The following FSTL5 variants were observed in gnomAD, a reference collection of about 807,000 sequenced individuals.
FSTL5 encodes follistatin like 5, also known as follistatin-related protein 5.
In FSTL5, 62 loss-of-function variants were observed where a neutral mutation model predicts 89.1. That is an observed-to-expected ratio of 0.70 (90% CI 0.57 to 0.86). The LOEUF (loss-of-function observed/expected upper bound fraction) is 0.86. Ranked by LOEUF, FSTL5 falls within the 40% of genes least tolerant of loss-of-function variation. FSTL5 has a pLI of 0.00. For missense variants in FSTL5, 1,057 were observed against 1,001.6 expected (o/e 1.06, Z -0.75); for synonymous variants, 383 against 346.2 (o/e 1.11, Z -1.18).
intron 15 of FSTL5, among the ~76,000 whole-genome samples, chr4:161,444,353 C>T (rs1257417990): frequency 6.6e-6 from 1 of 151,748 alleles, no homozygotes; most frequent in Non-Finnish European, 1.5e-5. Context: ...TCTCTCCCTT[C>T]TGAAATCATT....
intron 3 of FSTL5, among the ~76,000 whole-genome samples, chr4:161,933,514 G>A (rs879772267): frequency 6.6e-6 from 1 of 151,496 alleles, no homozygotes; most frequent in African/African-American, 2.4e-5. Context: ...TGTCACATGA[G>A]AGATACAGAA....
intron 3 of FSTL5, among the ~76,000 whole-genome samples, chr4:162,005,109 A>G (rs1416148672): frequency 6.6e-6 from 1 of 152,094 alleles, no homozygotes; most frequent in Non-Finnish European, 1.5e-5. Flanking sequence ...GCCTTGGCCT[A>G]TTTCTCTCGC....
At chr4:162,126,109 C>T (rs1397299883) in intron 1 of FSTL5, among the ~76,000 whole-genome samples, 4 of 152,032 alleles carry the variant, frequency 2.6e-5, no homozygotes, top group Middle Eastern at 3.4e-3. Flanking sequence ...TATAAGAAAT[C>T]AATTTTTATT....
At chr4:161,445,925 T>C (rs937047448) in intron 15 of FSTL5, among the ~76,000 whole-genome samples, 4 of 152,124 alleles carry the variant, frequency 2.6e-5, no homozygotes, top group East Asian at 3.9e-4. Flanking sequence ...AGAGTAATCA[T>C]AGCTGAATTA....
intron 2 of FSTL5, among the ~76,000 whole-genome samples, chr4:162,071,195 A>G (rs1237807148): frequency 6.6e-6 from 1 of 151,696 alleles, no homozygotes; most frequent in African/African-American, 2.4e-5. Flanking sequence ...GACTGGCTGA[A>G]TTAATAAAAA....
chr4:161,919,372 A>G (rs1206722708), intron 4 of FSTL5, among the ~76,000 whole-genome samples: 2 of 152,208 alleles, frequency 1.3e-5, no homozygotes, highest in Non-Finnish European at 2.9e-5. Flanking sequence ...TGCATCTTGC[A>G]TCATCTGAAA....
chr4:162,114,910 G>A (rs1269510049), intron 1 of FSTL5, among the ~76,000 whole-genome samples: 4 of 151,936 alleles, frequency 2.6e-5, no homozygotes, highest in Non-Finnish European at 5.9e-5. Context: ...AAATTTCTCA[G>A]TAATACAAAG....
chr4:161,750,036 C>G (rs58764576), intron 6 of FSTL5, among the ~76,000 whole-genome samples: 1 of 151,924 alleles, frequency 6.6e-6, no homozygotes, highest in Non-Finnish European at 1.5e-5. Context: ...GTAACTCTTT[C>G]TAAAGTAAAT....
chr4:162,048,527 C>T (rs1276576578), intron 2 of FSTL5, among the ~76,000 whole-genome samples: 2 of 151,850 alleles, frequency 1.3e-5, no homozygotes, highest in African/African-American at 4.8e-5. Flanking sequence ...TCACTACTAT[C>T]AGTATTATTT....
intron 11 of FSTL5, among the ~76,000 whole-genome samples, chr4:161,508,968 T>C (rs1730568217): frequency 6.6e-6 from 1 of 152,158 alleles, no homozygotes; most frequent in Non-Finnish European, 1.5e-5. Flanking sequence ...AAAATCAATT[T>C]TTAAAATGCT....
Position 162,100,396 on chromosome 4 carries a change from T to TA in FSTL5, c.126+10874dup, listed in dbSNP as rs536350508. Among the ~76,000 whole-genome samples the TA allele has an allele frequency of 2.1e-3, 324 of 152,224 alleles. 1 individual carries two copies. Among genetic ancestry groups the TA allele is most frequent in the African/African-American group, 7.4e-3 (309 of 41,552 alleles). On this transcript the variant is annotated intron_variant, in intron 2 of 15. Transcript: ENST00000306100. ...TAACACGGTGAAACCCCAACTCTAC[T>TA]AAAAATACAAAAAATTATCCAGGTG...
intron 5 of FSTL5, among the ~76,000 whole-genome samples, chr4:161,763,944 C>T (rs1025540204): frequency 6.6e-6 from 1 of 151,882 alleles, no homozygotes; most frequent in South Asian, 2.1e-4. Flanking sequence ...TCTTGTCTCC[C>T]CCCTTTCTTC....
At chr4:161,743,253 A>AT (rs1740088613) in intron 6 of FSTL5, among the ~76,000 whole-genome samples, 1 of 152,110 alleles carries the variant, frequency 6.6e-6, no homozygotes, top group Non-Finnish European at 1.5e-5. Context: ...TTGGAGGCAA[A>AT]TGGATATTCA....
At chr4:161,583,559 T>G (rs969492885) in intron 8 of FSTL5, among the ~76,000 whole-genome samples, 1 of 152,184 alleles carries the variant, frequency 6.6e-6, no homozygotes, top group African/African-American at 2.4e-5. Flanking sequence ...TGCCTTCCCT[T>G]GTTGATATAA....
rs199571688 is a variant in FSTL5, at chr4:161,538,309, A to C, written c.1178-9T>G. ...AACCTCACTGCCATTTGCTGAAAAA[A>C]GAAGGGAAATGCAACTTGTAAACTA... On this transcript the variant is annotated splice_polypyrimidine_tract_variant and intron_variant, in intron 9 of 15. Coordinates refer to ENST00000306100, the MANE Select transcript of FSTL5 (RefSeq NM_020116.5). 5.0e-5 allele frequency: 80 copies of C among 1,613,692 alleles called. No individual in the cohort carries two copies. The East Asian group carries it at 5.6e-4, about 11-fold the overall frequency.
intron 13 of FSTL5, among the ~76,000 whole-genome samples, chr4:161,472,976 G>A (rs149062865): frequency 1.8e-3 from 281 of 152,234 alleles, no homozygotes; most frequent in African/African-American, 6.4e-3. Context: ...ACCTGCCTTG[G>A]CCTCCCAAAG....
chr4:161,552,465 T>C (rs1441011077), intron 8 of FSTL5: 1 of 151,692 alleles, frequency 6.6e-6, no homozygotes, highest in Non-Finnish European at 1.5e-5. Flanking sequence ...CTGGAAAATA[T>C]ATATATTATA....
At chr4:161,695,851 G>C (rs1054726260) in intron 6 of FSTL5, among the ~76,000 whole-genome samples, 12 of 151,908 alleles carry the variant, frequency 7.9e-5, no homozygotes, top group African/African-American at 2.9e-4. Context: ...TATAGATTCT[G>C]AATATTAGTC....
At chr4:161,416,558 G>A (rs947864731) in intron 15 of FSTL5, among the ~76,000 whole-genome samples, 2 of 152,076 alleles carry the variant, frequency 1.3e-5, no homozygotes. Flanking sequence ...AAAATACTCT[G>A]CATGGGCCAG....
Sources: gnomAD v4.1 joint callset for allele counts (sites outside exome capture counted in the v4.1 genomes callset) on GRCh38, gnomAD v4.1.1 for gene constraint, MANE v1.5 for transcripts, NCBI Gene and HGNC (gene_info 2026-07-23, HGNC 2026-07-21) for gene names.